The following CSMD1 variants were observed in gnomAD, a reference collection of about 807,000 sequenced individuals.
CSMD1 encodes the protein CUB and sushi domain-containing protein 1.
Under a neutral mutation model 417.5 loss-of-function variants are expected in CSMD1, and 213 were observed. That is an observed-to-expected ratio of 0.51 (90% confidence interval 0.46 to 0.57). The LOEUF is 0.57. CSMD1 is among the 20% of genes least tolerant of loss of function. The probability of loss-of-function intolerance (pLI) is 0.00; values close to 1 mark genes in which losing one functional copy is unlikely to be tolerated. For missense variants in CSMD1, 6,923 were observed against 4,529.7 expected (o/e 1.53, Z -15.17); for synonymous variants, 2,862 against 1,736.8 (o/e 1.65, Z -16.11).
At chr8:4,609,119 G>T (rs190590360) in intron 2 of CSMD1, among the ~76,000 whole-genome samples, 2 of 152,142 alleles carry the variant, frequency 1.3e-5, no homozygotes, top group Non-Finnish European at 2.9e-5. Context: ...TGAAATACTC[G>T]CCAGATGCGC....
intron 1 of CSMD1, among the ~76,000 whole-genome samples, chr8:4,729,965 C>T (rs1809736039): frequency 6.6e-6 from 1 of 152,184 alleles, no homozygotes; most frequent in Non-Finnish European, 1.5e-5. Flanking sequence ...GCAGCCTAAA[C>T]ACGGGACAAA....
chr8:4,023,599 T>TTC (rs1424717883), intron 4 of CSMD1, among the ~76,000 whole-genome samples: 4 of 150,660 alleles, frequency 2.7e-5, no homozygotes, highest in African/African-American at 9.8e-5. Context: ...TTTTTTTTTT[T>TTC]TTCCTGACAC....
intron 5 of CSMD1, among the ~76,000 whole-genome samples, chr8:3,958,054 A>C (rs773174420): frequency 6.6e-6 from 1 of 152,196 alleles, no homozygotes; most frequent in African/African-American, 2.4e-5. Context: ...TTGTGCCTGT[A>C]TACTGTTCAT....
chr8:4,411,597 C>T (rs77416754), intron 3 of CSMD1, among the ~76,000 whole-genome samples: 56 of 152,204 alleles, frequency 3.7e-4, no homozygotes, highest in Middle Eastern at 3.4e-3. Context: ...AACAGTTATA[C>T]GGAGAAAAAT....
At chr8:3,321,123 T>C (rs79085750) in intron 23 of CSMD1, among the ~76,000 whole-genome samples, 3,087 of 152,214 alleles carry the variant, frequency 0.02, 45 homozygotes, top group South Asian at 0.034. Context: ...ACCGAAGGCG[T>C]GCAAAGCCCC....
intron 2 of CSMD1, among the ~76,000 whole-genome samples, chr8:4,446,534 G>C (rs1384024126): frequency 2.0e-5 from 3 of 152,136 alleles, no homozygotes; most frequent in Non-Finnish European, 2.9e-5. Flanking sequence ...GCAGCAGAAT[G>C]AGACCCCGGT....
chr8:3,968,667 C>A (rs565444022), intron 5 of CSMD1, among the ~76,000 whole-genome samples: 3 of 152,082 alleles, frequency 2.0e-5, no homozygotes, highest in Non-Finnish European at 4.4e-5. Context: ...ATCCCGAAAG[C>A]TGATAGTGTT....
intron 8 of CSMD1, among the ~76,000 whole-genome samples, chr8:3,599,389 C>T (rs188621414): frequency 9.9e-5 from 15 of 152,170 alleles, no homozygotes; most frequent in African/African-American, 2.6e-4. Flanking sequence ...TTAACCCCAA[C>T]GCAGCATTAT....
chr8:4,781,566 T>C (rs911357523), intron 1 of CSMD1, among the ~76,000 whole-genome samples: 23 of 152,226 alleles, frequency 1.5e-4, no homozygotes, highest in African/African-American at 5.5e-4. Flanking sequence ...GTTTCACTTT[T>C]GTGGGTCAAT....
chr8:4,120,558 G>A (rs1348627060), intron 3 of CSMD1, among the ~76,000 whole-genome samples: 1 of 152,184 alleles, frequency 6.6e-6, no homozygotes, highest in African/African-American at 2.4e-5. Context: ...TACCAAAACT[G>A]GCGACCGGGA....
chr8:3,576,996 T>C (rs752790817), intron 9 of CSMD1, among the ~76,000 whole-genome samples: 5 of 152,238 alleles, frequency 3.3e-5, no homozygotes, highest in Non-Finnish European at 5.9e-5. Context: ...CATATTGGCA[T>C]TGTCGGCCTG....
intron 1 of CSMD1, among the ~76,000 whole-genome samples, chr8:4,693,678 C>A (rs1466272543): frequency 6.6e-6 from 1 of 152,082 alleles, no homozygotes; most frequent in Non-Finnish European, 1.5e-5. Flanking sequence ...AAAACTTATT[C>A]TTTCAGAGAT....
intron 10 of CSMD1, among the ~76,000 whole-genome samples, chr8:3,495,354 G>A (rs549711556): frequency 1.4e-4 from 22 of 152,264 alleles, no homozygotes; most frequent in South Asian, 6.2e-4. Context: ...GGTGGGAAGC[G>A]ATGATAATTC....
intron 5 of CSMD1, among the ~76,000 whole-genome samples, chr8:3,821,010 G>A (rs183195933): frequency 5.3e-5 from 8 of 152,074 alleles, no homozygotes; most frequent in South Asian, 4.2e-4. Context: ...TCCACATCCC[G>A]GGTTCAAGCG....
chr8:3,713,244 T>C (rs1801630036), intron 6 of CSMD1, among the ~76,000 whole-genome samples: 1 of 152,220 alleles, frequency 6.6e-6, no homozygotes, highest in African/African-American at 2.4e-5. Context: ...CTACATCAGC[T>C]GCCTTCACTA....
chr8:3,930,617 G>C (rs1810073998), intron 5 of CSMD1, among the ~76,000 whole-genome samples: 1 of 150,200 alleles, frequency 6.7e-6, no homozygotes. Context: ...GCAGTAGGGT[G>C]GCCGTGTCAG....
chr8:4,914,339 G>A (rs1659931623), intron 1 of CSMD1, among the ~76,000 whole-genome samples: 1 of 152,118 alleles, frequency 6.6e-6, no homozygotes, highest in Non-Finnish European at 1.5e-5. Context: ...CACTTTGGGA[G>A]ACTGAGGCAG....
At chr8:3,531,446 C>G (rs1408378006) in intron 10 of CSMD1, among the ~76,000 whole-genome samples, 1 of 152,124 alleles carries the variant, frequency 6.6e-6, no homozygotes, top group African/African-American at 2.4e-5. Context: ...AACATCACCC[C>G]TCAAAAAATC....
chr8:4,900,009 A>G (rs140374904), intron 1 of CSMD1, among the ~76,000 whole-genome samples: 72 of 152,184 alleles, frequency 4.7e-4, no homozygotes, highest in Non-Finnish European at 8.2e-4. Context: ...TGTTGCTTTA[A>G]TCTATTCTCT....
Sources: gnomAD v4.1 joint callset for allele counts (sites outside exome capture counted in the v4.1 genomes callset) on GRCh38, gnomAD v4.1.1 for gene constraint, MANE v1.5 for transcripts, NCBI Gene and HGNC (gene_info 2026-07-23, HGNC 2026-07-21) for gene names.